Variants in MYH11 observed in about 807,000 individuals in gnomAD.
MYH11 encodes the protein myosin heavy chain 11.
In MYH11, 80 loss-of-function variants were observed where a neutral mutation model predicts 246.6. The ratio of observed to expected loss-of-function variants is 0.32; its 90% CI spans 0.27 to 0.39. The LOEUF (loss-of-function observed/expected upper bound fraction) is 0.39. MYH11 is among the 10% of genes least tolerant of loss of function. MYH11 has a pLI of 1.00. For missense variants in MYH11, 2,158 were observed against 2,546.8 expected (o/e 0.85, Z 3.29); for synonymous variants, 1,071 against 1,015.5 (o/e 1.05, Z -1.04).
chr16:15,716,946 C>G (rs2040183800), intron 38 of MYH11, among the ~76,000 whole-genome samples, 194 bp downstream of exon 38: 1 of 152,186 alleles, frequency 6.6e-6, no homozygotes, highest in African/African-American at 2.4e-5. Context: ...TAGGTGCTTG[C>G]CCTAGGCCAG....
intron 10 of MYH11, 54 bp downstream of exon 10, chr16:15,763,742 C>G: frequency 3.2e-6 from 2 of 627,776 alleles, no homozygotes; most frequent in African/African-American, 2.1e-5. Context: ...AATGTCACCT[C>G]CCCCACCCCC....
chr16:15,784,752 C>T (rs1567759169), intron 5 of MYH11: 1 of 1,613,376 alleles, frequency 6.2e-7, no homozygotes, highest in South Asian at 1.1e-5. Flanking sequence ...AAACAAATGT[C>T]AGCGTTATTT....
intron 1 of MYH11, among the ~76,000 whole-genome samples, chr16:15,847,727 A>C (rs215573): frequency 0.6 from 91,786 of 152,090 alleles, 28,641 homozygotes; most frequent in Admixed American, 0.69. Flanking sequence ...CAGTCTCTGT[A>C]CAAAAAAGGA....
chr16:15,778,899 C>G, intron 6 of MYH11, 56 bp from the exon 7 acceptor site: 2 of 1,555,958 alleles, frequency 1.3e-6, no homozygotes, highest in Non-Finnish European at 1.8e-6. Flanking sequence ...CCGTTAACCC[C>G]ATGCTGTGGG....
intron 3 of MYH11, among the ~76,000 whole-genome samples, chr16:15,814,331 T>A (rs532138529): frequency 6.6e-6 from 1 of 151,774 alleles, no homozygotes; most frequent in Non-Finnish European, 1.5e-5. Flanking sequence ...GTTGGGTGGA[T>A]CACCTAAGGT....
intron 2 of MYH11, among the ~76,000 whole-genome samples, chr16:15,835,746 A>ACT (rs1304314972): frequency 7.6e-6 from 1 of 132,100 alleles, no homozygotes; most frequent in African/African-American, 2.8e-5. Flanking sequence ...AGCTGGTACT[A>ACT]TTTTTTTTTT....
intron 40 of MYH11, 21 bp from the exon 41 acceptor site, chr16:15,704,144 C>T (rs896977101): frequency 3.7e-6 from 6 of 1,613,268 alleles, no homozygotes; most frequent in Non-Finnish European, 5.1e-6. Flanking sequence ...TAAGAAAACA[C>T]ATTATTTAGC....
chr16:15,732,655 G>A lies in MYH11; in HGVS notation c.3560C>T (p.Thr1187Met), dbSNP rs552818350. The A allele has an allele frequency of 1.4e-5, 23 of 1,614,210 alleles. No individual in the cohort carries two copies. Among genetic ancestry groups the A allele is most frequent in the African/African-American group, 9.3e-5 (7 of 75,054 alleles). Residue 1187 changes from threonine to methionine, a missense_variant, in exon 27 of 41, where the codon ACG becomes ATG. Thr to Met is a moderately conservative substitution (Grantham distance 81). This residue lies in a region of MYH11 where 34 missense variants were observed against 70.4 expected (regional missense o/e 0.48). Coordinates refer to ENST00000300036, the MANE Select transcript of MYH11 (RefSeq NM_002474.3). ...CTGGACCTGAGCCTCATGGGACCGC[G>A]TCTCTTCATCCAGGGCCTTCTTCAG... is the stretch of plus-strand genomic sequence containing the variant. ...TVLKKALDEE[T>M]RSHEAQVQEM...
chr16:15,819,637 C>T (rs1442735066), intron 3 of MYH11, among the ~76,000 whole-genome samples: 6 of 152,168 alleles, frequency 3.9e-5, no homozygotes, highest in Non-Finnish European at 5.9e-5. Flanking sequence ...AAGCTCAGGG[C>T]TCCCACTGAT....
rs561099193 is a variant in MYH11 at position 15,748,070 on chromosome 16, G to T, written c.2157C>A (p.Ile719=). 1.2e-6 allele frequency: 2 copies of T among 1,614,070 alleles called. No homozygotes were observed. Among genetic ancestry groups the T allele is most frequent in the Non-Finnish European group, 1.7e-6 (2 of 1,180,040 alleles). The change falls in exon 17 of 41, where the codon ATC becomes ATA. Residue 719 remains isoleucine, a synonymous_variant. Coordinates refer to ENST00000300036, the MANE Select transcript of MYH11 (RefSeq NM_002474.3). ...ACCGTTGGCGGAACTCCTGGAAGAC[G>T]ATCCGGTTGGGGAAGCCCTGCCGGC... ...RICRQGFPNR[I]VFQEFRQRYE... is the part of the protein sequence containing the mutation.
At chr16:15,826,668 T>A (rs546676002) in intron 2 of MYH11, among the ~76,000 whole-genome samples, 15 of 151,844 alleles carry the variant, frequency 9.9e-5, no homozygotes, top group Non-Finnish European at 2.1e-4. Flanking sequence ...GTATGTAATG[T>A]CTGGGGGTGC....
In MYH11 at chr16:15,740,196, G is replaced by T. The variant is rs1471253618; in HGVS notation, c.2860-8C>A. The T allele has an allele frequency of 1.9e-6, 3 of 1,614,140 alleles. No homozygotes were observed. The highest frequency in any genetic ancestry group is 2.5e-6 in the Non-Finnish European group (3 of 1,180,008). On this transcript the variant is annotated splice_region_variant and splice_polypyrimidine_tract_variant and intron_variant, in intron 22 of 40. Transcript: ENST00000300036. ...CAGCTGTTCTTCAAGGTCCTTTGTT[G>T]TGGAGGGAAAAGAGTAACAGCTTTG...
intron 2 of MYH11, among the ~76,000 whole-genome samples, chr16:15,831,464 G>GGTGGGTGT (rs1555458280): frequency 1.8e-4 from 26 of 145,688 alleles, no homozygotes; most frequent in African/African-American, 6.4e-4. Flanking sequence ...TTATGTTTGG[G>GGTGGGTGT]GTGTGTGTGT....
chr16:15,714,883 G>T (rs2151191658), intron 40 of MYH11, 26 bp downstream of exon 40: 1 of 1,612,310 alleles, frequency 6.2e-7, no homozygotes, highest in East Asian at 2.2e-5. Context: ...GAGAGACGGG[G>T]TCCTCCCGGG....
At chr16:15,775,345 A>G (rs2042195173) in intron 8 of MYH11, among the ~76,000 whole-genome samples, 1 of 152,172 alleles carries the variant, frequency 6.6e-6, no homozygotes, top group African/African-American at 2.4e-5. Context: ...TCACTGATTT[A>G]TGTGTTGCCT....
intron 36 of MYH11, 97 bp downstream of exon 36, chr16:15,719,123 G>A (rs750248460): frequency 3.2e-6 from 4 of 1,244,886 alleles, no homozygotes; most frequent in Non-Finnish European, 4.6e-6. Flanking sequence ...ATGAAACTCT[G>A]TCTCGAAAAA....
chr16:15,718,546 G>A, intron 36 of MYH11, 108 bp from the exon 37 acceptor site: 1 of 1,432,482 alleles, frequency 7.0e-7, no homozygotes. Flanking sequence ...TCTAATGGGT[G>A]AAACTGAGGC....
At position 15,703,279 on chromosome 16, in the gene MYH11, GTC is replaced by G. The variant is rs886051729; in HGVS notation, c.*710_*711del. 4.0e-5 allele frequency: 9 copies of G among 225,764 alleles called. No individual in the cohort carries two copies. The highest frequency in any genetic ancestry group is 8.0e-5 in the Non-Finnish European group (9 of 112,966). 14.0% of individuals were successfully genotyped at this position (225,764 alleles called of 1,614,324 possible). On this transcript the variant is annotated 3_prime_UTR_variant, in exon 41 of 41. Coordinates refer to ENST00000300036, the MANE Select transcript of MYH11 (RefSeq NM_002474.3). ...AGAAGGCACTTGGTGAACTGTGCGT[GTC>G]TGAGGTGTGGAAACCAGGAGAGGGG...
intron 3 of MYH11, among the ~76,000 whole-genome samples, chr16:15,816,269 GA>G (rs2043260688): frequency 6.6e-6 from 1 of 152,190 alleles, no homozygotes; most frequent in Non-Finnish European, 1.5e-5. Context: ...GGGCAGATCA[GA>G]AGGCTATAGT....
Sources: allele counts gnomAD v4.1 joint callset (sites outside exome capture counted in the v4.1 genomes callset), GRCh38; gene constraint gnomAD v4.1.1; regional missense constraint gnomAD v4.1.1; transcripts MANE v1.5; gene names NCBI Gene and HGNC (gene_info 2026-07-23, HGNC 2026-07-21).